Variants in NCOA5 observed in about 807,000 individuals in gnomAD.
NCOA5 encodes nuclear receptor coactivator 5, also known as NCoA-5.
In NCOA5, 12 loss-of-function variants were observed where a neutral mutation model predicts 59.0. The ratio of observed to expected loss-of-function variants is 0.20; its 90% CI spans 0.13 to 0.33. The LOEUF is 0.33. NCOA5 is among the 10% of genes least tolerant of loss of function. The pLI is 1.00. For missense variants in NCOA5, 655 were observed against 766.6 expected, an observed-to-expected ratio of 0.85 and a Z score of 1.72; for synonymous variants, 270 against 275.5, an observed-to-expected ratio of 0.98 and a Z score of 0.20.
chr20:46,081,416 A>G (rs924222092), intron 1 of NCOA5, among the ~76,000 whole-genome samples: 4 of 152,168 alleles, frequency 2.6e-5, no homozygotes, highest in Non-Finnish European at 5.9e-5. Flanking sequence ...CATGTATACT[A>G]TATCTTTGGA....
At chr20:46,084,073 G>A (rs1485429684) in intron 1 of NCOA5, among the ~76,000 whole-genome samples, 1 of 152,186 alleles carries the variant, frequency 6.6e-6, no homozygotes, top group Non-Finnish European at 1.5e-5. Context: ...GGAAACAATA[G>A]TTTATACTTA....
At chr20:46,072,784 T>C (rs999835152) in intron 2 of NCOA5, among the ~76,000 whole-genome samples, 6 of 152,228 alleles carry the variant, frequency 3.9e-5, no homozygotes, top group Admixed American at 2.6e-4. Flanking sequence ...AATTCTCTCA[T>C]AGCACTGTTT....
chr20:46,066,157 A>G (rs572459217), intron 5 of NCOA5, among the ~76,000 whole-genome samples: 1 of 152,278 alleles, frequency 6.6e-6, no homozygotes, highest in African/African-American at 2.4e-5. Context: ...AAATACATGA[A>G]GTTATTTACT....
At position 46,063,525 on chromosome 20, in the gene NCOA5, C is replaced by G; in HGVS notation, c.985G>C (p.Gly329Arg). Residue 329 changes from glycine (G) to arginine (R), a missense_variant, in exon 7 of 8, where the codon GGC (glycine) becomes CGC (arginine). Coordinates refer to ENST00000290231, the MANE Select transcript of NCOA5 (RefSeq NM_020967.3). Reference protein sequence around the residue: ...EAILQERERGGPEEGVRGGHP... With the variant: ...EAILQERERGRPEEGVRGGHP... ...CCCCCACGCACTCCCTCCTCAGGGC[C>G]TCCTCTCTCTCTTTCCTGCAGGATG... The G allele has an allele frequency of 6.2e-7, 1 of 1,614,150 alleles. No individual in the cohort carries two copies. Among genetic ancestry groups the G allele is most frequent in the Non-Finnish European group, 8.5e-7 (1 of 1,180,028 alleles).
intron 1 of NCOA5, 102 bp from the exon 2 acceptor site, chr20:46,079,555 AC>A: frequency 1.1e-6 from 1 of 952,296 alleles, no homozygotes; most frequent in Non-Finnish European, 1.6e-6. Context: ...TACAATGACA[AC>A]CAGATGGTGT....
intron 5 of NCOA5, among the ~76,000 whole-genome samples, chr20:46,066,741 G>T (rs1441128247): frequency 6.6e-6 from 1 of 152,186 alleles, no homozygotes; most frequent in African/African-American, 2.4e-5. Context: ...CACAAAACCT[G>T]CCTGAGAACA....
chr20:46,063,035 C>T lies in NCOA5; in HGVS notation c.1151-146G>A, dbSNP rs992007150. ...CATCAATTTCCCAAAGAGGCCGCTT[C>T]ATGATATGTGCTGTTTACAGAAAAC... On this transcript the variant is annotated intron_variant, in intron 7 of 7. Transcript: ENST00000290231. 1.6e-5 allele frequency: 12 copies of T among 739,330 alleles called. No homozygotes were observed. The South Asian group carries it at 2.3e-4, about 14-fold the overall frequency. The allele number at this position is 739,330 out of a possible 1,614,324, so 45.8% of individuals were successfully genotyped here. A position where few individuals can be genotyped will look rare whatever the true frequency, so the allele number is the denominator to read the frequency against.
Position 46,061,608 on chromosome 20 carries a change from G to A in NCOA5, c.*692C>T, listed in dbSNP as rs2084764277. On this transcript the variant is annotated 3_prime_UTR_variant, in exon 8 of 8. Coordinates refer to ENST00000290231, the MANE Select transcript of NCOA5 (RefSeq NM_020967.3). ...AGATTCACAGTTTGTGGTAACTGCT[G>A]CTGACTGGAGCTGTTCAGTCCATTG... 1 of 152,632 alleles carries A rather than the reference G, an allele frequency of 6.6e-6. No homozygotes were observed. The highest frequency in any genetic ancestry group is 1.5e-5 in the Non-Finnish European group (1 of 68,064). The allele number at this position is 152,632 out of a possible 1,614,324, so 9.5% of individuals were successfully genotyped here. A position where few individuals can be genotyped will look rare whatever the true frequency, so the allele number is the denominator to read the frequency against.
At chr20:46,089,732 G>C (rs2085082502) in intron 1 of NCOA5, 85 bp downstream of exon 1, 1 of 152,122 alleles carries the variant, frequency 6.6e-6, no homozygotes, top group Non-Finnish European at 1.5e-5. Context: ...TCCCGCCTCA[G>C]CCTCCCCGTC....
At position 46,067,187 on chromosome 20, in the gene NCOA5, A is replaced by G; in HGVS notation, c.503-6T>C. 1.2e-6 allele frequency: 2 copies of G among 1,611,588 alleles called. No homozygotes were observed. The highest frequency in any genetic ancestry group is 1.7e-6 in the Non-Finnish European group (2 of 1,179,246). ...TTCCTCACGTTTCAAACGCTCTGCA[A>G]AACACCACCAGGGTAAACTGAAATA... On this transcript the variant is annotated splice_region_variant and splice_polypyrimidine_tract_variant and intron_variant, in intron 4 of 7. Transcript: ENST00000290231.
rs1048223369 is a variant in NCOA5, at chr20:46,070,436, C to T, written c.139G>A (p.Asp47Asn). ...REPRDGRNGR[D>N]ARDSRDIRDP... ...CGAATGTCTCTGCTGTCCCGGGCAT[C>T]CCGGCCATTTCTGCCATCCCTGGGC... The change falls in exon 3 of 8, where the codon GAT becomes AAT. Residue 47 changes from aspartate (D) to asparagine (N), a missense_variant. This residue lies in a region of NCOA5 where 250 missense variants were observed against 260.1 expected (regional missense o/e 0.96). Transcript: ENST00000290231. 6.2e-7 allele frequency: 1 copy of T among 1,614,106 alleles called. No homozygotes were observed. The highest frequency in any genetic ancestry group is 8.5e-7 in the Non-Finnish European group (1 of 1,180,026).
chr20:46,073,302 T>C (rs975992482), intron 2 of NCOA5, among the ~76,000 whole-genome samples: 10 of 152,170 alleles, frequency 6.6e-5, no homozygotes, highest in East Asian at 1.9e-4. Context: ...CCATGAAAAA[T>C]ATTTGTTATA....
At chr20:46,066,989 C>A in intron 5 of NCOA5, 66 bp downstream of exon 5, 1 of 1,572,256 alleles carries the variant, frequency 6.4e-7, no homozygotes. Context: ...GATAGAGGTG[C>A]TAAACAGGAG....
chr20:46,062,211 A>G lies in NCOA5; in HGVS notation c.*89T>C. On this transcript the variant is annotated 3_prime_UTR_variant, in exon 8 of 8. Coordinates refer to ENST00000290231, the MANE Select transcript of NCOA5 (RefSeq NM_020967.3). ...ACTCGATGCCGGCCTGGGAGCGCAG[A>G]GAACATCCTCCAAACAGCTCTATTT... is the stretch of plus-strand genomic sequence containing the variant. The G allele has an allele frequency of 2.0e-6, 2 of 1,012,984 alleles. No homozygotes were observed. Among genetic ancestry groups the G allele is most frequent in the Non-Finnish European group, 2.9e-6 (2 of 700,560 alleles). 62.7% of individuals were successfully genotyped at this position (1,012,984 alleles called of 1,614,324 possible). A position where few individuals can be genotyped will look rare whatever the true frequency, so the allele number is the denominator to read the frequency against.
chr20:46,071,573 A>G (rs1348301732), intron 2 of NCOA5, among the ~76,000 whole-genome samples: 1 of 152,212 alleles, frequency 6.6e-6, no homozygotes, highest in Non-Finnish European at 1.5e-5. Flanking sequence ...TACACTAACT[A>G]TCCTAAAATG....
intron 1 of NCOA5, among the ~76,000 whole-genome samples, chr20:46,085,625 T>A (rs1027360585): frequency 1.3e-5 from 2 of 152,006 alleles, no homozygotes; most frequent in Non-Finnish European, 2.9e-5. Flanking sequence ...GGTAAAGGAA[T>A]GGTGTGAAGG....
chr20:46,068,073 G>A (rs2145528047), intron 4 of NCOA5, among the ~76,000 whole-genome samples: 2 of 152,220 alleles, frequency 1.3e-5, no homozygotes, highest in South Asian at 2.1e-4. Context: ...TGGGACTACA[G>A]GTGTGCACCA....
At chr20:46,063,098 A>C (rs919787875) in intron 7 of NCOA5, among the ~76,000 whole-genome samples, 1 of 152,196 alleles carries the variant, frequency 6.6e-6, no homozygotes, top group African/African-American at 2.4e-5. Flanking sequence ...TAAAAAACAA[A>C]AGGGCATCCA....
chr20:46,073,375 TA>T (rs1293548109), intron 2 of NCOA5, among the ~76,000 whole-genome samples: 6 of 152,226 alleles, frequency 3.9e-5, no homozygotes, highest in Non-Finnish European at 7.3e-5. Flanking sequence ...CCAGGGACTT[TA>T]AATGAGAATA....
Sources: gnomAD v4.1 joint callset for allele counts (sites outside exome capture counted in the v4.1 genomes callset) on GRCh38, gnomAD v4.1.1 for gene constraint, gnomAD v4.1.1 regional missense constraint, MANE v1.5 for transcripts, NCBI Gene and HGNC (gene_info 2026-07-23, HGNC 2026-07-21) for gene names.